Variants in PCCA observed in about 807,000 individuals in gnomAD.
PCCA encodes the protein propionyl-CoA carboxylase alpha chain, mitochondrial.
In PCCA, 74 loss-of-function variants were observed where a neutral mutation model predicts 101.3. That is an observed-to-expected ratio of 0.73 (90% CI 0.61 to 0.89). PCCA has a LOEUF of 0.89. PCCA is among the 40% of genes least tolerant of loss of function. The pLI is 0.00. For synonymous variants in PCCA, 294 were observed against 313.6 expected, an observed-to-expected ratio of 0.94 and a Z score of 0.66; for missense variants, 891 against 907.0, an observed-to-expected ratio of 0.98 and a Z score of 0.23.
intron 21 of PCCA, among the ~76,000 whole-genome samples, chr13:100,469,992 G>A (rs1214718024): frequency 6.6e-5 from 10 of 152,172 alleles, no homozygotes; most frequent in African/African-American, 2.4e-4. Flanking sequence ...ACGTGGTCAA[G>A]GTCAAGAATA....
chr13:100,176,061 G>T (rs2056212748), intron 6 of PCCA, among the ~76,000 whole-genome samples: 1 of 152,224 alleles, frequency 6.6e-6, no homozygotes, highest in Non-Finnish European at 1.5e-5. Flanking sequence ...GGTTCTTAGG[G>T]ATCAGATGAT....
At chr13:100,135,026 T>C (rs1457819325) in intron 4 of PCCA, among the ~76,000 whole-genome samples, 2 of 150,962 alleles carry the variant, frequency 1.3e-5, no homozygotes, top group Non-Finnish European at 2.9e-5. Context: ...TGTAGGTACA[T>C]GCCACCATGC....
chr13:100,311,877 T>A (rs1344214238), intron 16 of PCCA, among the ~76,000 whole-genome samples: 2 of 152,236 alleles, frequency 1.3e-5, no homozygotes, highest in African/African-American at 4.8e-5. Flanking sequence ...CCGTTTTATG[T>A]AATTTCTAAT....
intron 8 of PCCA, among the ~76,000 whole-genome samples, chr13:100,243,824 C>G (rs528812769): frequency 6.6e-6 from 1 of 152,254 alleles, no homozygotes; most frequent in African/African-American, 2.4e-5. Context: ...TCTTTTCTGC[C>G]CTGGCTGTTT....
chr13:100,488,124 G>A (rs1043369923), intron 21 of PCCA, among the ~76,000 whole-genome samples: 11 of 151,900 alleles, frequency 7.2e-5, no homozygotes, highest in South Asian at 4.2e-4. Context: ...ACGGAGGTTC[G>A]CTCTGGTTGC....
intron 19 of PCCA, among the ~76,000 whole-genome samples, chr13:100,422,147 T>TCTTTCTTTCTTTCTTTC (rs1567109988): frequency 6.9e-6 from 1 of 145,976 alleles, no homozygotes; most frequent in Admixed American, 6.8e-5. Context: ...TTTTTTTTTT[T>TCTTTCTTTCTTTCTTTC]TTTTTGACAG....
intron 6 of PCCA, among the ~76,000 whole-genome samples, chr13:100,191,054 C>T (rs1594641062): frequency 6.6e-6 from 1 of 152,134 alleles, no homozygotes. Context: ...CACACTACTG[C>T]ACTCTAGCCT....
At chr13:100,320,789 T>C (rs1712098654) in intron 16 of PCCA, among the ~76,000 whole-genome samples, 1 of 152,176 alleles carries the variant, frequency 6.6e-6, no homozygotes, top group Non-Finnish European at 1.5e-5. Context: ...CCTCTCTGTA[T>C]TGCCTAGGCT....
chr13:100,095,149 A>C (rs2046653580), intron 1 of PCCA, among the ~76,000 whole-genome samples: 2 of 152,008 alleles, frequency 1.3e-5, no homozygotes, highest in Admixed American at 1.3e-4. Context: ...CTGTCTTCAC[A>C]TGGCTGCCTT....
At chr13:100,242,386 T>C (rs2061193565) in intron 8 of PCCA, among the ~76,000 whole-genome samples, 1 of 152,112 alleles carries the variant, frequency 6.6e-6, no homozygotes. Context: ...CCCTAAAATA[T>C]TTGAGATAAA....
intron 18 of PCCA, among the ~76,000 whole-genome samples, chr13:100,353,485 T>C (rs1242637254): frequency 1.3e-5 from 2 of 152,200 alleles, no homozygotes; most frequent in Non-Finnish European, 2.9e-5. Flanking sequence ...ATTTGGGAAG[T>C]TCATACATAT....
intron 18 of PCCA, among the ~76,000 whole-genome samples, chr13:100,352,710 T>A (rs932928241): frequency 6.6e-6 from 1 of 151,946 alleles, no homozygotes; most frequent in Non-Finnish European, 1.5e-5. Flanking sequence ...TGTATTTTTT[T>A]TTTCTTCCAG....
intron 6 of PCCA, among the ~76,000 whole-genome samples, chr13:100,197,620 T>A (rs1156901611): frequency 6.6e-6 from 1 of 152,024 alleles, no homozygotes; most frequent in African/African-American, 2.4e-5. Flanking sequence ...ATTTTTGTAG[T>A]TTTAGTAGAG....
At chr13:100,131,335 T>C (rs2050495875) in intron 4 of PCCA, among the ~76,000 whole-genome samples, 1 of 152,168 alleles carries the variant, frequency 6.6e-6, no homozygotes, top group African/African-American at 2.4e-5. Flanking sequence ...GGAACTGTTC[T>C]GGCTTAAGAA....
chr13:100,202,480 A>C (rs1234793420), intron 6 of PCCA, among the ~76,000 whole-genome samples: 1 of 143,602 alleles, frequency 7.0e-6, no homozygotes, highest in Non-Finnish European at 1.5e-5. Context: ...TAAGTTACCT[A>C]TTCCTGTTTT....
At chr13:100,220,128 C>G (rs2059733104) in intron 7 of PCCA, among the ~76,000 whole-genome samples, 1 of 152,052 alleles carries the variant, frequency 6.6e-6, no homozygotes, top group Non-Finnish European at 1.5e-5. Context: ...TAGTAAGAGC[C>G]CACCCTGGAA....
chr13:100,309,287 C>T (rs1029277459), intron 15 of PCCA, among the ~76,000 whole-genome samples: 3 of 152,182 alleles, frequency 2.0e-5, no homozygotes, highest in Non-Finnish European at 4.4e-5. Context: ...ATCCCAGCTT[C>T]TCGAGAGGCT....
Position 100,299,747 on chromosome 13 carries a change from G to A in PCCA, c.1066-1713G>A, listed in dbSNP as rs374582728. Among the ~76,000 whole-genome samples, 153 of 151,870 alleles carry A rather than the reference G, an allele frequency of 1.0e-3. 4 individuals carry two copies. In the South Asian group the frequency reaches 0.028, roughly 28 times the overall value. On this transcript the variant is annotated intron_variant, in intron 12 of 23. Transcript: ENST00000376285. ...TTTTTTTTTCCTGAGATGGAATATC[G>A]CTCTGTTGCCCAGACTGGAGTACAG...
intron 21 of PCCA, among the ~76,000 whole-genome samples, chr13:100,509,180 A>C (rs948954945): frequency 6.6e-6 from 1 of 152,142 alleles, no homozygotes; most frequent in African/African-American, 2.4e-5. Flanking sequence ...TCAAATGTGC[A>C]CTTGCCAGTA....
Sources: allele counts gnomAD v4.1 joint callset (sites outside exome capture counted in the v4.1 genomes callset), GRCh38; gene constraint gnomAD v4.1.1; transcripts MANE v1.5; gene names NCBI Gene and HGNC (gene_info 2026-07-23, HGNC 2026-07-21).